The following ZEB2 variants were observed in gnomAD, a reference collection of about 807,000 sequenced individuals.
ZEB2 encodes zinc finger E-box binding homeobox 2.
Under a neutral mutation model 99.9 loss-of-function variants are expected in ZEB2, and 6 were observed. The observed-to-expected ratio is 0.06, with a 90% confidence interval of 0.03 to 0.12. The LOEUF (loss-of-function observed/expected upper bound fraction) is 0.12. ZEB2 is among the 10% of genes least tolerant of loss of function. The probability of loss-of-function intolerance (pLI) is 1.00; values close to 1 mark genes in which losing one functional copy is unlikely to be tolerated. For synonymous variants in ZEB2, 517 were observed against 542.5 expected, an observed-to-expected ratio of 0.95 and a Z score of 0.65; for missense variants, 969 against 1,502.8, an observed-to-expected ratio of 0.64 and a Z score of 5.87.
chr2:144,404,497 C>T (rs1003326748), intron 5 of ZEB2, among the ~76,000 whole-genome samples: 14 of 151,674 alleles, frequency 9.2e-5, no homozygotes, highest in African/African-American at 2.7e-4. Context: ...TTTCAGGTGT[C>T]GGTGGAGAAG....
At chr2:144,422,942 A>T (rs1228639420) in intron 4 of ZEB2, among the ~76,000 whole-genome samples, 1 of 152,206 alleles carries the variant, frequency 6.6e-6, no homozygotes, top group African/African-American at 2.4e-5. Flanking sequence ...TTCCAAATGA[A>T]ATGATAACCA....
chr2:144,454,428 G>C (rs541556031), intron 2 of ZEB2, among the ~76,000 whole-genome samples: 57 of 152,276 alleles, frequency 3.7e-4, no homozygotes, highest in South Asian at 1.9e-3. Context: ...AGAAGCACAA[G>C]ATAAACCTGG....
chr2:144,425,802 A>C (rs1703684282), intron 3 of ZEB2, among the ~76,000 whole-genome samples: 2 of 152,256 alleles, frequency 1.3e-5, no homozygotes, highest in Admixed American at 6.5e-5. Context: ...TATTTTTACT[A>C]TGACAATACT....
chr2:144,404,899 G>A lies in ZEB2; in HGVS notation c.529C>T (p.Pro177Ser). The change falls in exon 5 of 10, where the codon CCA becomes TCA. Residue 177 changes from proline to serine, a missense_variant. Pro to Ser is a moderately conservative substitution (Grantham distance 74). Coordinates refer to ENST00000627532, the MANE Select transcript of ZEB2 (RefSeq NM_014795.4). ...CGAGACAGCTCCTCAGGGGCTTCTG[G>A]GTAAATAATGGCTGTGTCACTGCGC... is the stretch of plus-strand genomic sequence containing the variant. ...LQRSDTAIIY[P>S]EAPEELSRLG... The A allele has an allele frequency of 6.2e-7, 1 of 1,614,190 alleles. No homozygotes were observed. Among genetic ancestry groups the A allele is most frequent in the Non-Finnish European group, 8.5e-7 (1 of 1,180,022 alleles).
At chr2:144,421,942 C>G (rs1573737202) in intron 4 of ZEB2, among the ~76,000 whole-genome samples, 1 of 152,302 alleles carries the variant, frequency 6.6e-6, no homozygotes, top group East Asian at 1.9e-4. Context: ...GGTTCAAGAT[C>G]TTCTCAAAAT....
intron 2 of ZEB2, among the ~76,000 whole-genome samples, chr2:144,471,498 G>A (rs1704354790): frequency 6.6e-6 from 1 of 151,356 alleles, no homozygotes; most frequent in African/African-American, 2.4e-5. Flanking sequence ...TTATTGTCAT[G>A]CACACTCTTC....
chr2:144,513,837 A>ACC, intron 2 of ZEB2: 5 of 1,534,780 alleles, frequency 3.3e-6, no homozygotes, highest in Non-Finnish European at 4.4e-6. Context: ...GGAAAGAAAA[A>ACC]GGGGGGCTGG....
chr2:144,396,440 G>A lies in ZEB2; in HGVS notation c.3039C>T (p.Ser1013=). The A allele has an allele frequency of 6.2e-7, 1 of 1,613,836 alleles. No individual in the cohort carries two copies. Among genetic ancestry groups the A allele is most frequent in the South Asian group, 1.1e-5 (1 of 91,074 alleles). ...TGTGTTCGTATTTATGTCGCAGAAG[G>A]GAACTGCTTTTCTGGAATGTCTTGT... ...LCDKTFQKSS[S]LLRHKYEHTG... Residue 1013 remains serine, a synonymous_variant, in exon 9 of 10, where the codon TCC becomes TCT. Coordinates refer to ENST00000627532, the MANE Select transcript of ZEB2 (RefSeq NM_014795.4).
intron 2 of ZEB2, among the ~76,000 whole-genome samples, chr2:144,478,729 A>T (rs1206420340): frequency 6.6e-6 from 1 of 152,214 alleles, no homozygotes; most frequent in Admixed American, 6.5e-5. Flanking sequence ...TTTCTTTGAA[A>T]TCATTAGATG....
At chr2:144,451,052 G>A (rs1250699104) in intron 2 of ZEB2, among the ~76,000 whole-genome samples, 1 of 152,108 alleles carries the variant, frequency 6.6e-6, no homozygotes, top group Non-Finnish European at 1.5e-5. Context: ...AGTGATTTTA[G>A]AAACTGAGAG....
chr2:144,512,588 T>TG (rs1260742714), intron 2 of ZEB2: 1 of 1,287,196 alleles, frequency 7.8e-7, no homozygotes, highest in Admixed American at 2.3e-5. Context: ...GTGGAAGACG[T>TG]GAATTTATTT....
chr2:144,463,971 T>C (rs1704235307), intron 2 of ZEB2: 1 of 149,682 alleles, frequency 6.7e-6, no homozygotes, highest in Non-Finnish European at 1.5e-5. Flanking sequence ...CAGGAAAGAG[T>C]GGATACTGAG....
At chr2:144,504,107 C>CAA (rs1704919428) in intron 2 of ZEB2, 1 of 92,898 alleles carries the variant, frequency 1.1e-5, no homozygotes, top group Non-Finnish European at 2.3e-5. Context: ...ACAAAAAAAA[C>CAA]AAACCACCTT....
At chr2:144,493,878 C>T (rs62169223) in intron 2 of ZEB2, among the ~76,000 whole-genome samples, 7,475 of 152,114 alleles carry the variant, frequency 0.049, 248 homozygotes, top group Non-Finnish European at 0.071. Context: ...AACGGCCAGG[C>T]GCAGTGGCTC....
chr2:144,401,382 G>A, intron 6 of ZEB2, 75 bp from the exon 7 acceptor site: 1 of 1,472,166 alleles, frequency 6.8e-7, no homozygotes, highest in East Asian at 2.3e-5. Context: ...ATTTTTAAAA[G>A]GCCTCTGTTT....
intron 2 of ZEB2, among the ~76,000 whole-genome samples, chr2:144,456,091 T>C (rs1391475932): frequency 6.6e-6 from 1 of 151,978 alleles, no homozygotes; most frequent in Non-Finnish European, 1.5e-5. Context: ...AGACTAAGAC[T>C]AAATCCATCC....
chr2:144,456,372 G>A (rs1003180590), intron 2 of ZEB2, among the ~76,000 whole-genome samples: 4 of 152,148 alleles, frequency 2.6e-5, no homozygotes, highest in East Asian at 1.9e-4. Flanking sequence ...CAGACAATTC[G>A]ATGATAAGTA....
At chr2:144,474,221 T>C (rs1427175319) in intron 2 of ZEB2, among the ~76,000 whole-genome samples, 1 of 152,208 alleles carries the variant, frequency 6.6e-6, no homozygotes, top group Non-Finnish European at 1.5e-5. Flanking sequence ...ACAAAAATAG[T>C]AACACATTGC....
Position 144,401,538 on chromosome 2 carries a change from T to G in ZEB2, c.808-231A>C, listed in dbSNP as rs68066623. On this transcript the variant is annotated intron_variant, in intron 6 of 9. Transcript: ENST00000627532. ...GCGCATCCAACACTTGCTTTAGAAT[T>G]ATTTCTGTAGTGTCTTTTCCAAAAT... 0.1 allele frequency among the ~76,000 whole-genome samples: 15,602 copies of G among 152,286 alleles called. 961 individuals carry two copies. Among genetic ancestry groups the G allele is most frequent in the South Asian group, 0.16 (750 of 4,824 alleles).
Sources: allele counts gnomAD v4.1 joint callset (sites outside exome capture counted in the v4.1 genomes callset), GRCh38; gene constraint gnomAD v4.1.1; transcripts MANE v1.5; gene names NCBI Gene and HGNC (gene_info 2026-07-23, HGNC 2026-07-21).